Variants in LONP2 observed in about 807,000 individuals in gnomAD.
LONP2 encodes the protein lon peptidase 2, peroxisomal.
A neutral mutation model predicts 85.6 loss-of-function variants in LONP2; 60 were observed. The observed-to-expected ratio is 0.70, with a 90% CI of 0.57 to 0.87. The LOEUF is 0.87. LONP2 is among the 40% of genes least tolerant of loss of function. The probability of loss-of-function intolerance (pLI) is 0.00; values close to 1 mark genes in which losing one functional copy is unlikely to be tolerated. For synonymous variants in LONP2, 395 were observed against 389.7 expected, an observed-to-expected ratio of 1.01 and a Z score of -0.16; for missense variants, 860 against 1,063.5, an observed-to-expected ratio of 0.81 and a Z score of 2.66.
chr16:48,285,222 G>T (rs1204441598), intron 8 of LONP2, among the ~76,000 whole-genome samples: 1 of 152,018 alleles, frequency 6.6e-6, no homozygotes, highest in Non-Finnish European at 1.5e-5. Context: ...GCTTGTGGCG[G>T]ATCTCTTATG....
chr16:48,337,132 G>C (rs369297813), intron 12 of LONP2, among the ~76,000 whole-genome samples: 1 of 152,226 alleles, frequency 6.6e-6, no homozygotes. Flanking sequence ...ACAAATTCAC[G>C]TAAGTGGCAG....
In LONP2 at chr16:48,357,134, C is replaced by T. The variant is rs754655770; in HGVS notation, c.*5332C>T. On this transcript the variant is annotated 3_prime_UTR_variant, in exon 15 of 15. Coordinates refer to ENST00000285737, the MANE Select transcript of LONP2 (RefSeq NM_031490.5). ...GCACTTTATAGCACATCTAGCCTTC[C>T]TCATTCCCTTACGCAGTGGACATCA... is the stretch of plus-strand genomic sequence containing the variant. 2.6e-5 allele frequency: 4 copies of T among 152,258 alleles called. No individual in the cohort carries two copies. Among genetic ancestry groups the T allele is most frequent in the Non-Finnish European group, 5.9e-5 (4 of 68,096 alleles). 9.4% of individuals were successfully genotyped at this position (152,258 alleles called of 1,614,324 possible).
At chr16:48,253,073 A>T (rs973223375) in intron 2 of LONP2, among the ~76,000 whole-genome samples, 1 of 152,218 alleles carries the variant, frequency 6.6e-6, no homozygotes, top group African/African-American at 2.4e-5. Flanking sequence ...ACTACTGATC[A>T]TTGAAATATG....
In LONP2 at chr16:48,362,503, T is replaced by C. The variant is rs1555487298; in HGVS notation, c.*640T>C. On this transcript the variant is annotated 3_prime_UTR_variant, in exon 5 of 5. Transcript: ENST00000565867. The surrounding 1 kb of genome is among the most constrained non-coding windows in gnomAD (Gnocchi z 4.2). ...ACTTACTTTATAAATAATGTTTACA[T>C]GCCATAAGTCCTTTTAAAGTTTCAT... is the stretch of plus-strand genomic sequence containing the variant. The C allele has an allele frequency of 2.0e-6, 3 of 1,466,002 alleles. No homozygotes were observed. The South Asian group carries it at 3.6e-5, about 18-fold the overall frequency. The allele number at this position is 1,466,002 out of a possible 1,614,324, so 90.8% of individuals were successfully genotyped here. A position where few individuals can be genotyped will look rare whatever the true frequency, so the allele number is the denominator to read the frequency against.
chr16:48,331,975 G>T (rs1403244316), intron 11 of LONP2, among the ~76,000 whole-genome samples: 1 of 152,182 alleles, frequency 6.6e-6, no homozygotes, highest in Non-Finnish European at 1.5e-5. Context: ...CAGAAAATCT[G>T]AACTGTTGTG....
intron 4 of LONP2, among the ~76,000 whole-genome samples, chr16:48,259,043 A>G (rs192442841): frequency 8.5e-5 from 13 of 152,230 alleles, no homozygotes; most frequent in Non-Finnish European, 1.6e-4. Context: ...TGAGTATAAC[A>G]TTTTTTTACT....
At position 48,322,703 on chromosome 16, in the gene LONP2, C is replaced by T. The variant is rs116735453; in HGVS notation, c.1796-11513C>T. 3.0e-3 allele frequency among the ~76,000 whole-genome samples: 451 copies of T among 152,178 alleles called. 6 individuals carry two copies. The highest frequency in any genetic ancestry group is 9.2e-3 in the African/African-American group (382 of 41,508). On this transcript the variant is annotated intron_variant, in intron 11 of 14. Transcript: ENST00000285737. ...CAGTCTGGGCAACATAGCGAGACTC[C>T]ACCTCTAAAAATATATATAAGAATA...
At chr16:48,330,280 AC>A (rs1959397172) in intron 11 of LONP2, among the ~76,000 whole-genome samples, 1 of 152,256 alleles carries the variant, frequency 6.6e-6, no homozygotes, top group South Asian at 2.1e-4. Flanking sequence ...TAAGAAGAAA[AC>A]TGCACAATTC....
At position 48,299,560 on chromosome 16, in the gene LONP2, C is replaced by T. The variant is rs931451307; in HGVS notation, c.1535-102C>T. 4.8e-5 allele frequency: 61 copies of T among 1,269,168 alleles called. 1 individual carries two copies. Among genetic ancestry groups the T allele is most frequent in the Admixed American group, 1.8e-4 (8 of 44,128 alleles). 78.6% of individuals were successfully genotyped at this position (1,269,168 alleles called of 1,614,324 possible). Reference sequence around the variant, plus strand: ...TCACGCCACTGCACTGCAGCCTGGGCGACAGAGCAAGACTCTGTCTCTAAA... The same window carrying T: ...TCACGCCACTGCACTGCAGCCTGGGTGACAGAGCAAGACTCTGTCTCTAAA... On this transcript the variant is annotated intron_variant, in intron 9 of 14. Coordinates refer to ENST00000285737, the MANE Select transcript of LONP2 (RefSeq NM_031490.5).
rs1005687020 is a variant in LONP2 at position 48,264,614 on chromosome 16, C to T, written c.982+1742C>T. Among the ~76,000 whole-genome samples, 4 of 152,174 alleles carry T rather than the reference C, an allele frequency of 2.6e-5. No individual in the cohort carries two copies. In the East Asian group the frequency reaches 7.7e-4, roughly 29 times the overall value. On this transcript the variant is annotated intron_variant, in intron 6 of 14. Coordinates refer to ENST00000285737, the MANE Select transcript of LONP2 (RefSeq NM_031490.5). ...ACATAGTCCTGAGGCCACATACATC[C>T]TCCTTGGCTGACAGGATTAAGAGAT...
chr16:48,297,511 T>G (rs1418472881), intron 9 of LONP2, among the ~76,000 whole-genome samples: 1 of 152,124 alleles, frequency 6.6e-6, no homozygotes, highest in Non-Finnish European at 1.5e-5. Context: ...GGTTTCGCCA[T>G]ATTGGCCAGG....
chr16:48,245,733 A>T (rs1971338850), intron 1 of LONP2, among the ~76,000 whole-genome samples: 1 of 152,210 alleles, frequency 6.6e-6, no homozygotes, highest in Non-Finnish European at 1.5e-5. Flanking sequence ...TAATATTTTG[A>T]GTACTTGGGG....
At chr16:48,274,272 A>G (rs756155957) in intron 7 of LONP2, among the ~76,000 whole-genome samples, 1 of 152,088 alleles carries the variant, frequency 6.6e-6, no homozygotes, top group South Asian at 2.1e-4. Context: ...CTACCATACA[A>G]CTGTGGAGAT....
At chr16:48,284,223 A>G (rs1455758413) in intron 8 of LONP2, among the ~76,000 whole-genome samples, 1 of 152,170 alleles carries the variant, frequency 6.6e-6, no homozygotes, top group African/African-American at 2.4e-5. Context: ...TGAAATGACA[A>G]CCTTGATGTT....
At chr16:48,314,836 A>G (rs1274913959) in intron 11 of LONP2, among the ~76,000 whole-genome samples, 1 of 152,186 alleles carries the variant, frequency 6.6e-6, no homozygotes, top group Admixed American at 6.5e-5. Context: ...TGACAATGCA[A>G]TATTGGCCTC....
rs776977101 is a variant in LONP2, at chr16:48,296,033, A to C, written c.1402A>C (p.Asn468His). 1 of 1,614,168 alleles carries C rather than the reference A, an allele frequency of 6.2e-7. No individual in the cohort carries two copies. The highest frequency in any genetic ancestry group is 8.5e-7 in the Non-Finnish European group (1 of 1,180,028). Residue 468 changes from asparagine to histidine, a missense_variant, in exon 9 of 15, where the codon AAC (asparagine) becomes CAC (histidine). This residue lies in a region of LONP2 where 743 missense variants were observed against 917.3 expected (regional missense o/e 0.81). Coordinates refer to ENST00000285737, the MANE Select transcript of LONP2 (RefSeq NM_031490.5). ...CCCCTAGGTGTTGGATCCTGAACAA[A>C]ACCATAACTTCACAGATCATTATCT... ...ALLEVLDPEQNHNFTDHYLNV... is the reference protein window; with the variant it reads ...ALLEVLDPEQHHNFTDHYLNV...
chr16:48,286,363 G>A (rs928310941), intron 8 of LONP2, among the ~76,000 whole-genome samples: 2 of 151,928 alleles, frequency 1.3e-5, no homozygotes, highest in African/African-American at 4.8e-5. Context: ...GGATGGTCTC[G>A]ATCTCCTGAC....
intron 2 of LONP2, 126 bp from the exon 3 acceptor site, chr16:48,256,484 A>G: frequency 1.1e-6 from 1 of 912,156 alleles, no homozygotes; most frequent in Non-Finnish European, 1.7e-6. Flanking sequence ...CGTGGACTAT[A>G]TTAATCAGTG....
chr16:48,313,285 C>A (rs1019242968), intron 11 of LONP2, among the ~76,000 whole-genome samples: 2 of 152,108 alleles, frequency 1.3e-5, no homozygotes, highest in Admixed American at 6.5e-5. Flanking sequence ...TAATTCATGA[C>A]CAGCTTCATT....
Sources: allele counts gnomAD v4.1 joint callset (sites outside exome capture counted in the v4.1 genomes callset), GRCh38; gene constraint gnomAD v4.1.1; regional missense constraint gnomAD v4.1.1; non-coding constraint Gnocchi (gnomAD v3.1); transcripts MANE v1.5; gene names NCBI Gene and HGNC (gene_info 2026-07-23, HGNC 2026-07-21).